VWA5B1: variants seen among roughly 807,000 people sequenced by gnomAD.
VWA5B1 encodes von Willebrand factor A domain-containing protein 5B1.
In VWA5B1, 115 loss-of-function variants were observed where a neutral mutation model predicts 118.2. The observed-to-expected ratio is 0.97, with a 90% CI of 0.84 to 1.14. The LOEUF (loss-of-function observed/expected upper bound fraction) is 1.14. VWA5B1 is among the 50% of genes most tolerant of loss of function. The pLI is 0.00. For synonymous variants in VWA5B1, 682 were observed against 658.4 expected (o/e 1.04, Z -0.55); for missense variants, 1,596 against 1,603.8 (o/e 1.00, Z 0.08).
chr1:20,338,373 A>G, intron 14 of VWA5B1: 1 of 312,628 alleles, frequency 3.2e-6, no homozygotes, highest in African/African-American at 2.2e-5. Context: ...TTGTTGAGAC[A>G]GAGTCTCGCT....
rs1460314805 is a variant in VWA5B1, at chr1:20,352,148, C to T, written c.3117C>T (p.Asn1039=). ...AAGCTGTGGAGTCGACCTCCGGGAA[C>T]CAGAGCTTCGACTACATACCTCTGG... The part of the protein sequence containing the change: ...LIKAVESTSG[N]QSFDYIPLVS... Residue 1039 remains asparagine (N), a synonymous_variant, in exon 21 of 22, where the codon AAC becomes AAT. Coordinates refer to ENST00000289815, the MANE Select transcript of VWA5B1 (RefSeq NM_001039500.3). 6.4e-7 allele frequency: 1 copy of T among 1,551,272 alleles called. No individual in the cohort carries two copies. The highest frequency in any genetic ancestry group is 1.4e-5 in the African/African-American group (1 of 73,020).
At chr1:20,299,128 T>C (rs1279170677) in intron 1 of VWA5B1, among the ~76,000 whole-genome samples, 1 of 152,194 alleles carries the variant, frequency 6.6e-6, no homozygotes, top group Non-Finnish European at 1.5e-5. Flanking sequence ...TACGACCCAA[T>C]GGAGGAGTTT....
chr1:20,322,620 C>CA (rs540763243), intron 7 of VWA5B1, among the ~76,000 whole-genome samples: 100 of 152,162 alleles, frequency 6.6e-4, no homozygotes, highest in African/African-American at 2.4e-3. Flanking sequence ...GAGATCGGAG[C>CA]AAAAAACTAT....
At chr1:20,292,639 G>A (rs189395632) in intron 1 of VWA5B1, among the ~76,000 whole-genome samples, 33 of 149,120 alleles carry the variant, frequency 2.2e-4, no homozygotes, top group African/African-American at 4.4e-4. Flanking sequence ...AGTGGCATGC[G>A]TGTGTGTGTG....
intron 1 of VWA5B1, among the ~76,000 whole-genome samples, chr1:20,295,413 C>T (rs955130786): frequency 6.6e-6 from 1 of 152,182 alleles, no homozygotes; most frequent in African/African-American, 2.4e-5. Flanking sequence ...AGATCAAGAT[C>T]TCAGGAAGAC....
At position 20,351,900 on chromosome 1, in the gene VWA5B1, C is replaced by T. The variant is rs554962829; in HGVS notation, c.3024-155C>T. Among the ~76,000 whole-genome samples, 3 of 152,286 alleles carry T rather than the reference C, an allele frequency of 2.0e-5. No individual in the cohort carries two copies. The East Asian group carries it at 5.8e-4, about 29-fold the overall frequency. On this transcript the variant is annotated intron_variant, in intron 20 of 21. Transcript: ENST00000289815. ...ATTGAGTGACTTGGAGCAGTTGCTTCGAGCCCATGTTTCCAGGCTTCTGCT... is the reference window on the plus strand; with the variant it reads ...ATTGAGTGACTTGGAGCAGTTGCTTTGAGCCCATGTTTCCAGGCTTCTGCT...
chr1:20,332,403 C>T (rs2100937230), intron 11 of VWA5B1, among the ~76,000 whole-genome samples: 1 of 151,702 alleles, frequency 6.6e-6, no homozygotes, highest in East Asian at 1.9e-4. Flanking sequence ...TCACCTGAAC[C>T]CAAGAGGTGG....
In VWA5B1 at chr1:20,343,263, G is replaced by T; in HGVS notation, c.2496G>T (p.Gly832=). The T allele has an allele frequency of 6.5e-7, 1 of 1,548,568 alleles. No individual in the cohort carries two copies. The part of the protein sequence containing the change: ...RLQWEVSFEL[G]TPGPERGGAQ... ...AGTGGGAGGTGAGCTTCGAGCTGGG[G>T]ACCCCTGGACCGGAGCGGGGCGGCG... The change falls in exon 16 of 22, where the codon GGG becomes GGT. Residue 832 remains glycine, a synonymous_variant. Coordinates refer to ENST00000289815, the MANE Select transcript of VWA5B1 (RefSeq NM_001039500.3).
intron 3 of VWA5B1, among the ~76,000 whole-genome samples, chr1:20,313,908 G>A (rs1012758982): frequency 1.3e-5 from 2 of 152,180 alleles, no homozygotes; most frequent in Non-Finnish European, 1.5e-5. Context: ...AGGTGTTCAC[G>A]GAGGGGTTGT....
At chr1:20,296,593 A>G (rs2100797028) in intron 1 of VWA5B1, among the ~76,000 whole-genome samples, 1 of 152,376 alleles carries the variant, frequency 6.6e-6, no homozygotes, top group East Asian at 1.9e-4. Context: ...CTAGCATATA[A>G]TTCTGTTCAG....
chr1:20,329,261 G>A (rs961928614), intron 9 of VWA5B1, among the ~76,000 whole-genome samples: 3 of 114,446 alleles, frequency 2.6e-5, no homozygotes, highest in Admixed American at 1.7e-4. Context: ...TGCCATTACT[G>A]CTTTTTTTTT....
intron 4 of VWA5B1, among the ~76,000 whole-genome samples, chr1:20,317,227 C>T (rs983714472): frequency 5.3e-5 from 8 of 152,036 alleles, no homozygotes; most frequent in Non-Finnish European, 8.8e-5. Flanking sequence ...CTTCAGTGTC[C>T]CCACATGGAA....
intron 13 of VWA5B1, 64 bp downstream of exon 13, chr1:20,336,550 G>A: frequency 7.8e-7 from 1 of 1,284,526 alleles, no homozygotes; most frequent in Non-Finnish European, 9.9e-7. Context: ...TAAGCACTTG[G>A]TAAAAACCAC....
intron 1 of VWA5B1, among the ~76,000 whole-genome samples, chr1:20,294,868 C>A (rs190891994): frequency 6.6e-6 from 1 of 152,232 alleles, no homozygotes. Flanking sequence ...GAATTACAGG[C>A]GTGAGCCACC....
chr1:20,330,792 T>G (rs2089528216), intron 10 of VWA5B1, 77 bp from the exon 11 acceptor site: 3 of 1,382,542 alleles, frequency 2.2e-6, no homozygotes, highest in South Asian at 1.2e-5. Context: ...CAGACCATGC[T>G]CTGTCCCTTT....
intron 12 of VWA5B1, among the ~76,000 whole-genome samples, chr1:20,335,331 G>T (rs2089681922): frequency 6.6e-6 from 1 of 152,192 alleles, no homozygotes; most frequent in Non-Finnish European, 1.5e-5. Context: ...CAAACAGAAA[G>T]TAATAGTTGA....
chr1:20,357,677 T>C lies in VWA5B1; in HGVS notation c.*3414T>C, dbSNP rs1040702035. 6.6e-6 allele frequency among the ~76,000 whole-genome samples: 1 copy of C among 152,186 alleles called. No individual in the cohort carries two copies. Among genetic ancestry groups the C allele is most frequent in the Non-Finnish European group, 1.5e-5 (1 of 68,030 alleles). ...CTTGGCAAGGAGCATTTGAAGAGTC[T>C]CTGTTTCATGAATCATTTTCCCACT... On this transcript the variant is annotated 3_prime_UTR_variant, in exon 22 of 22. Transcript: ENST00000289815.
intron 1 of VWA5B1, among the ~76,000 whole-genome samples, chr1:20,309,518 G>A (rs558411083): frequency 5.9e-5 from 9 of 152,332 alleles, no homozygotes; most frequent in Non-Finnish European, 8.8e-5. Flanking sequence ...ACACATGTCC[G>A]GAGTGGAAAC....
At chr1:20,304,750 C>T (rs1043664780) in intron 1 of VWA5B1, among the ~76,000 whole-genome samples, 2 of 152,078 alleles carry the variant, frequency 1.3e-5, no homozygotes, top group South Asian at 2.1e-4. Context: ...TTGAGGGAAG[C>T]TCGGCACAGG....
Sources: allele counts gnomAD v4.1 joint callset (sites outside exome capture counted in the v4.1 genomes callset), GRCh38; gene constraint gnomAD v4.1.1; transcripts MANE v1.5; gene names NCBI Gene and HGNC (gene_info 2026-07-23, HGNC 2026-07-21).